The following SCRN1 variants were observed in gnomAD, a reference collection of about 807,000 sequenced individuals.
The protein encoded by SCRN1 is secernin-1.
A neutral mutation model predicts 43.3 loss-of-function variants in SCRN1; 19 were observed. The ratio of observed to expected loss-of-function variants is 0.44; its 90% confidence interval spans 0.31 to 0.64. The LOEUF (loss-of-function observed/expected upper bound fraction) is 0.64, where lower values mean the gene tolerates loss of function less well. Among genes scored for constraint, SCRN1 ranks in the 30% least tolerant of loss-of-function variants. SCRN1 has a pLI of 0.09. For missense variants in SCRN1, 447 were observed against 524.1 expected (o/e 0.85, Z 1.44); for synonymous variants, 183 against 188.9 (o/e 0.97, Z 0.26).
intron 1 of SCRN1, among the ~76,000 whole-genome samples, chr7:29,977,808 GTTCA>G (rs553040285): frequency 6.5e-4 from 99 of 152,330 alleles, no homozygotes; most frequent in African/African-American, 2.1e-3. Context: ...ATGATAGGTA[GTTCA>G]TTCTTCCCAG....
intron 2 of SCRN1, among the ~76,000 whole-genome samples, chr7:29,961,421 G>T (rs1347598113): frequency 2.3e-5 from 3 of 127,708 alleles, no homozygotes; most frequent in Non-Finnish European, 4.9e-5. Context: ...CAAGGCAGAA[G>T]AATTTTTCTT....
chr7:29,962,240 A>C (rs1165747720), intron 2 of SCRN1, among the ~76,000 whole-genome samples: 2 of 148,020 alleles, frequency 1.4e-5, no homozygotes, highest in East Asian at 3.9e-4. Context: ...TATGTAATTA[A>C]ATTATATAAT....
intron 3 of SCRN1, among the ~76,000 whole-genome samples, chr7:29,952,694 A>AAG (rs372707934): frequency 0.62 from 92,210 of 148,818 alleles, 28,553 homozygotes; most frequent in Admixed American, 0.7. Context: ...AAAAAAAAAA[A>AAG]AGAGAGAGAG....
At chr7:29,957,157 T>G (rs1788163337) in intron 2 of SCRN1, among the ~76,000 whole-genome samples, 1 of 152,210 alleles carries the variant, frequency 6.6e-6, no homozygotes, top group African/African-American at 2.4e-5. Flanking sequence ...TCAAATTCAT[T>G]TTTACACACT....
At chr7:29,982,613 G>A (rs375901132) in intron 1 of SCRN1, among the ~76,000 whole-genome samples, 4 of 151,002 alleles carry the variant, frequency 2.6e-5, no homozygotes, top group South Asian at 4.2e-4. Context: ...AGCCTGGGCG[G>A]TCAAGGCTCC....
chr7:29,984,204 C>CAAAAAAA (rs55733700), intron 1 of SCRN1, among the ~76,000 whole-genome samples: 4 of 98,250 alleles, frequency 4.1e-5, no homozygotes, highest in African/African-American at 7.5e-5. Context: ...AGACAGTCTC[C>CAAAAAAA]AAAAAAAAAA....
intron 1 of SCRN1, chr7:29,969,763 A>T (rs1263910744): frequency 4.4e-6 from 2 of 454,280 alleles, no homozygotes; most frequent in Non-Finnish European, 8.9e-6. Context: ...TGTCAGTTAC[A>T]TGCTGATGAC....
At chr7:29,975,101 CAAAGAA>C (rs1428067103) in intron 1 of SCRN1, among the ~76,000 whole-genome samples, 2 of 146,588 alleles carry the variant, frequency 1.4e-5, no homozygotes, top group Non-Finnish European at 3.0e-5. Context: ...TTCTCCTTCA[CAAAGAA>C]AAAGAAAAAA....
rs1211351341 is a variant in SCRN1 at position 29,926,584 on chromosome 7, G to C, written c.954C>G (p.Pro318=). The change falls in exon 7 of 8, where the codon CCC becomes CCG. Residue 318 remains proline (P), a synonymous_variant. Transcript: ENST00000242059. ...FIFVDDVKLV[P]KTQSPCFGDD... ...CCCCAAAACAGGGAGACTGTGTTTT[G>C]GGGACAAGTTTTACGTCATCAACAA... 1 of 1,614,050 alleles carries C rather than the reference G, an allele frequency of 6.2e-7. No homozygotes were observed.
intron 1 of SCRN1, among the ~76,000 whole-genome samples, chr7:29,983,493 T>C (rs1372018625): frequency 1.3e-5 from 2 of 152,158 alleles, no homozygotes; most frequent in Non-Finnish European, 2.9e-5. Flanking sequence ...GCAGAAGATT[T>C]AAAGAACAGA....
In SCRN1 at chr7:29,965,281, GCTAT is replaced by G. The variant is rs372874338; in HGVS notation, c.159+3624_159+3627del. On this transcript the variant is annotated intron_variant, in intron 2 of 7. Transcript: ENST00000242059. This position sits in a 1 kb window ranked among gnomAD's most constrained non-coding sequence, Gnocchi z 4.2. ...CACTTTTCAGCAAGGGAGTGGTAGA[GCTAT>G]CTATGTTCTGGGAAGAAAATTCTGG... is the stretch of plus-strand genomic sequence containing the variant. 6.0e-4 allele frequency among the ~76,000 whole-genome samples: 91 copies of G among 152,296 alleles called. 1 individual carries two copies. The highest frequency in any genetic ancestry group is 2.0e-3 in the African/African-American group (82 of 41,570).
intron 2 of SCRN1, among the ~76,000 whole-genome samples, chr7:29,966,738 TG>T (rs1242518653): frequency 6.6e-6 from 1 of 152,192 alleles, no homozygotes; most frequent in African/African-American, 2.4e-5. Context: ...GAGAGGAAAG[TG>T]GGTCTGGTGA....
chr7:29,924,388 G>GA (rs1786872639), intron 7 of SCRN1, among the ~76,000 whole-genome samples: 1 of 152,190 alleles, frequency 6.6e-6, no homozygotes, highest in Admixed American at 6.5e-5. Context: ...TGACATCCAA[G>GA]ACCACTTCCC....
Position 29,926,510 on chromosome 7 carries a change from C to G in SCRN1, c.1028G>C (p.Arg343Pro), listed in dbSNP as rs1236083084. ...GTGGGCTTTGTACAGCTCATGCCGGCGGTCTGGTTTCTCCTGGAACCGAGG... is the reference window on the plus strand; with the variant it reads ...GTGGGCTTTGTACAGCTCATGCCGGGGGTCTGGTTTCTCCTGGAACCGAGG... ...KEPRFQEKPD[R>P]RHELYKAHEW... is the part of the protein sequence containing the mutation. Residue 343 changes from arginine (R) to proline (P), a missense_variant, in exon 7 of 8, where the codon CGC (arginine) becomes CCC (proline). Transcript: ENST00000242059. The G allele has an allele frequency of 6.2e-7, 1 of 1,613,962 alleles. No individual in the cohort carries two copies. The highest frequency in any genetic ancestry group is 1.3e-5 in the African/African-American group (1 of 74,924).
rs765287650 is a variant in SCRN1 at position 29,940,851 on chromosome 7, C to A, written c.570G>T (p.Gln190His). Residue 190 changes from glutamine to histidine, a missense_variant, in exon 5 of 8, where the codon CAG (glutamine) becomes CAT (histidine). Coordinates refer to ENST00000242059, the MANE Select transcript of SCRN1 (RefSeq NM_014766.5). ...VTEGVRCICS[Q>H]LSLTTKMDAE... ...CATCCATCTTAGTGGTGAGCGAAAG[C>A]TGACTGCAAATGCACCTCACTCCCT... 6.4e-7 allele frequency: 1 copy of A among 1,557,454 alleles called. No individual in the cohort carries two copies. Among genetic ancestry groups the A allele is most frequent in the South Asian group, 1.2e-5 (1 of 81,844 alleles).
At chr7:29,979,640 G>T (rs1424399231) in intron 1 of SCRN1, among the ~76,000 whole-genome samples, 5 of 152,136 alleles carry the variant, frequency 3.3e-5, no homozygotes, top group Non-Finnish European at 2.9e-5. Flanking sequence ...ACCCCGCTGT[G>T]CATTCAAAAT....
At chr7:29,924,430 T>C (rs1786874206) in intron 7 of SCRN1, among the ~76,000 whole-genome samples, 1 of 152,218 alleles carries the variant, frequency 6.6e-6, no homozygotes, top group Non-Finnish European at 1.5e-5. Context: ...CTGGACTGAA[T>C]TCACTGTAGC....
chr7:29,942,714 A>C (rs1189520588), intron 4 of SCRN1, among the ~76,000 whole-genome samples: 1 of 152,184 alleles, frequency 6.6e-6, no homozygotes, highest in Non-Finnish European at 1.5e-5. Flanking sequence ...CATGCTGGGC[A>C]TATGAGGTGG....
intron 4 of SCRN1, among the ~76,000 whole-genome samples, chr7:29,942,387 A>T (rs2128090333): frequency 6.6e-6 from 1 of 152,350 alleles, no homozygotes; most frequent in Non-Finnish European, 1.5e-5. Context: ...ATATTTAGTT[A>T]ACTAATGGAA....
Sources: allele counts gnomAD v4.1 joint callset (sites outside exome capture counted in the v4.1 genomes callset), GRCh38; gene constraint gnomAD v4.1.1; non-coding constraint Gnocchi (gnomAD v3.1); transcripts MANE v1.5; gene names NCBI Gene and HGNC (gene_info 2026-07-23, HGNC 2026-07-21).